KIF13A: variants seen among roughly 807,000 people sequenced by gnomAD.
KIF13A encodes kinesin-like protein KIF13A.
Under a neutral mutation model 212.2 loss-of-function variants are expected in KIF13A, and 79 were observed. The observed-to-expected ratio is 0.37, with a 90% CI of 0.31 to 0.45. KIF13A has a LOEUF of 0.45. Ranked by LOEUF, KIF13A falls within the 20% of genes least tolerant of loss-of-function variation. The probability of loss-of-function intolerance (pLI) is 1.00; values close to 1 mark genes in which losing one functional copy is unlikely to be tolerated. For missense variants in KIF13A, 1,901 were observed against 2,209.0 expected (o/e 0.86, Z 2.79); for synonymous variants, 789 against 808.6 (o/e 0.98, Z 0.41).
At chr6:17,774,080 T>G (rs1759726767) in intron 35 of KIF13A, among the ~76,000 whole-genome samples, 1 of 152,184 alleles carries the variant, frequency 6.6e-6, no homozygotes, top group South Asian at 2.1e-4. Context: ...GCATAAAGTA[T>G]TGGTATACAA....
Position 17,898,057 on chromosome 6 carries a change from T to A in KIF13A, c.159+111A>T. ...TCATGATGTGAGTTTTAAATTAGGA[T>A]GCTGTTTTCAGTTCTCAATGAGACA... On this transcript the variant is annotated intron_variant, in intron 3 of 38. Transcript: ENST00000259711. The surrounding 1 kb of genome is among the most constrained non-coding windows in gnomAD (Gnocchi z 5.2). 1 of 928,600 alleles carries A rather than the reference T, an allele frequency of 1.1e-6. No homozygotes were observed. Among genetic ancestry groups the A allele is most frequent in the Admixed American group, 2.6e-5 (1 of 39,030 alleles). The allele number at this position is 928,600 out of a possible 1,614,324, so 57.5% of individuals were successfully genotyped here. A position where few individuals can be genotyped will look rare whatever the true frequency, so the allele number is the denominator to read the frequency against.
At position 17,987,239 on chromosome 6, in the gene KIF13A, A is replaced by G; in HGVS notation, c.56-95T>C. ...GCGCCGAGCGGGGCTCCGTCCCTGG[A>G]GGCGGCCGAGCCTGGAGACGGCGCC... On this transcript the variant is annotated intron_variant, in intron 1 of 38. Coordinates refer to ENST00000259711, the MANE Select transcript of KIF13A (RefSeq NM_022113.6). This position sits in a 1 kb window ranked among gnomAD's most constrained non-coding sequence, Gnocchi z 7.7. The G allele has an allele frequency of 9.2e-7, 1 of 1,092,472 alleles. No homozygotes were observed. The highest frequency in any genetic ancestry group is 2.8e-5 in the Admixed American group (1 of 36,218). 67.7% of individuals were successfully genotyped at this position (1,092,472 alleles called of 1,614,324 possible). A position where few individuals can be genotyped will look rare whatever the true frequency, so the allele number is the denominator to read the frequency against.
rs750628331 is a variant in KIF13A, at chr6:17,837,036, C to T, written c.997G>A (p.Ala333Thr). Residue 333 changes from alanine (A) to threonine (T), a missense_variant, in exon 11 of 39, where the codon GCA (alanine) becomes ACA (threonine). Ala to Thr is a moderately conservative substitution (Grantham distance 58). This residue lies in a region of KIF13A where 506 missense variants were observed against 637.4 expected (regional missense o/e 0.79). Coordinates refer to ENST00000259711, the MANE Select transcript of KIF13A (RefSeq NM_022113.6). This position sits in a 1 kb window ranked among gnomAD's most constrained non-coding sequence, Gnocchi z 5.4. ...TSMIATISPA[A>T]DNYEETLSTL... ...GAGAGGGTCTCTTCATAGTTGTCTG[C>T]GGCTGGGCTGATTGTGGCTATCATA... is the stretch of plus-strand genomic sequence containing the variant. 7.4e-6 allele frequency: 12 copies of T among 1,613,954 alleles called. No homozygotes were observed. The highest frequency in any genetic ancestry group is 1.7e-5 in the Admixed American group (1 of 60,016).
In KIF13A at chr6:17,799,376, T is replaced by C; in HGVS notation, c.2680A>G (p.Thr894Ala). ...GTAGACTCACACTGGTCCCAGAATG[T>C]GTATTGACAGAAGACAAAATTTGAG... ...NLSNFVFCQY[T>A]FWDQCESTVA... Residue 894 changes from threonine (T) to alanine (A), a missense_variant, in exon 22 of 39, where the codon ACA (threonine) becomes GCA (alanine). Thr to Ala is a moderately conservative substitution (Grantham distance 58). Coordinates refer to ENST00000259711, the MANE Select transcript of KIF13A (RefSeq NM_022113.6). This position sits in a 1 kb window ranked among gnomAD's most constrained non-coding sequence, Gnocchi z 4.4. 1 of 1,610,542 alleles carries C rather than the reference T, an allele frequency of 6.2e-7. No individual in the cohort carries two copies. The highest frequency in any genetic ancestry group is 1.3e-5 in the African/African-American group (1 of 74,990).
chr6:17,802,207 A>G (rs1440446210), intron 20 of KIF13A, among the ~76,000 whole-genome samples: 1 of 152,216 alleles, frequency 6.6e-6, no homozygotes, highest in Non-Finnish European at 1.5e-5. Flanking sequence ...ACTCGATGAT[A>G]TCTGAGAAGT....
chr6:17,923,688 G>C (rs1312304107), intron 2 of KIF13A, among the ~76,000 whole-genome samples: 3 of 152,126 alleles, frequency 2.0e-5, no homozygotes, highest in African/African-American at 4.8e-5. Context: ...CAGTAAAAAG[G>C]GAGCAGACCA....
intron 6 of KIF13A, among the ~76,000 whole-genome samples, chr6:17,852,477 T>C (rs976042370): frequency 6.6e-6 from 1 of 152,182 alleles, no homozygotes; most frequent in African/African-American, 2.4e-5. Flanking sequence ...TAGAGTGCAG[T>C]AGCATGACCC....
chr6:17,931,304 A>G (rs1043857718), intron 2 of KIF13A, among the ~76,000 whole-genome samples: 1 of 152,210 alleles, frequency 6.6e-6, no homozygotes, highest in African/African-American at 2.4e-5. Flanking sequence ...CCTCTTTCAA[A>G]TGGATATCAA....
At chr6:17,863,732 G>C (rs1769078235) in intron 4 of KIF13A, among the ~76,000 whole-genome samples, 1 of 152,126 alleles carries the variant, frequency 6.6e-6, no homozygotes, top group Non-Finnish European at 1.5e-5. Context: ...GAAATATCAA[G>C]AACCCTCATA....
chr6:17,858,948 A>G (rs1768428553), intron 4 of KIF13A, among the ~76,000 whole-genome samples: 1 of 151,952 alleles, frequency 6.6e-6, no homozygotes, highest in African/African-American at 2.4e-5. Context: ...ATTGCAGAGA[A>G]GTACTGTGGT....
At chr6:17,830,098 A>G (rs1765311758) in intron 13 of KIF13A, among the ~76,000 whole-genome samples, 1 of 152,214 alleles carries the variant, frequency 6.6e-6, no homozygotes, top group Non-Finnish European at 1.5e-5. Context: ...TGTCAGTCAC[A>G]GTGTCCTAAA....
intron 2 of KIF13A, among the ~76,000 whole-genome samples, chr6:17,940,258 A>G (rs895195148): frequency 4.6e-5 from 7 of 151,876 alleles, no homozygotes; most frequent in Admixed American, 2.6e-4. Flanking sequence ...TTAAACTTCA[A>G]TATGTATACG....
chr6:17,974,197 T>A (rs1780070457), intron 2 of KIF13A, among the ~76,000 whole-genome samples: 1 of 152,146 alleles, frequency 6.6e-6, no homozygotes, highest in African/African-American at 2.4e-5. Flanking sequence ...TTCTCCTACC[T>A]CAGCCTCCTG....
Position 17,868,991 on chromosome 6 carries a change from A to G in KIF13A, c.220+4386T>C, listed in dbSNP as rs1341002303. Among the ~76,000 whole-genome samples, 4 of 47,080 alleles carry G rather than the reference A, an allele frequency of 8.5e-5. No homozygotes were observed. The Admixed American group carries it at 8.6e-4, about 10-fold the overall frequency. 30.9% of individuals were successfully genotyped at this position (47,080 alleles called of 152,430 possible). On this transcript the variant is annotated intron_variant, in intron 4 of 38. Coordinates refer to ENST00000259711, the MANE Select transcript of KIF13A (RefSeq NM_022113.6). ...GGCGACAGAGGGAGACTCCCTCTCA[A>G]AAAAAAAAAAAAAAAAAAAAAAAAA... is the stretch of plus-strand genomic sequence containing the variant.
At position 17,967,434 on chromosome 6, in the gene KIF13A, C is replaced by T. The variant is rs1779426736; in HGVS notation, c.146+19620G>A. Among the ~76,000 whole-genome samples, 2 of 152,004 alleles carry T rather than the reference C, an allele frequency of 1.3e-5. No individual in the cohort carries two copies. Among genetic ancestry groups the T allele is most frequent in the African/African-American group, 2.4e-5 (1 of 41,388 alleles). ...CATCACATTTATAATTAGAAAAAAG[C>T]TATATTAAAAACAAAGTTCTTATGA... On this transcript the variant is annotated intron_variant, in intron 2 of 38. Transcript: ENST00000259711. The surrounding 1 kb of genome is among the most constrained non-coding windows in gnomAD (Gnocchi z 4.1).
At chr6:17,894,059 T>C (rs1772331623) in intron 3 of KIF13A, among the ~76,000 whole-genome samples, 1 of 152,088 alleles carries the variant, frequency 6.6e-6, no homozygotes, top group Admixed American at 6.6e-5. Flanking sequence ...AGGCTGGTCT[T>C]GATCTCCTGA....
chr6:17,909,536 GAA>G (rs1210023829), intron 2 of KIF13A, among the ~76,000 whole-genome samples: 2 of 94,028 alleles, frequency 2.1e-5, no homozygotes. Flanking sequence ...CTCTGTCTCA[GAA>G]AAAAAAAAAA....
chr6:17,823,828 C>G (rs1297968815), intron 16 of KIF13A, among the ~76,000 whole-genome samples: 1 of 151,598 alleles, frequency 6.6e-6, no homozygotes, highest in Admixed American at 6.6e-5. Context: ...GTCTCCAAAT[C>G]CTGGCCTCAA....
rs147240672 is a variant in KIF13A at position 17,953,634 on chromosome 6, C to T, written c.146+33420G>A. The T allele has an allele frequency of 3.7e-3, 576 of 154,796 alleles. 1 individual carries two copies. The highest frequency in any genetic ancestry group is 0.034 in the Middle Eastern group (10 of 294). 9.6% of individuals were successfully genotyped at this position (154,796 alleles called of 1,614,324 possible). A position where few individuals can be genotyped will look rare whatever the true frequency, so the allele number is the denominator to read the frequency against. On this transcript the variant is annotated intron_variant, in intron 2 of 38. Transcript: ENST00000259711. ...TTAATACTGCTTTACATGAGGATGG[C>T]CTAGCACGTGGAATTCACAAAGCTG...
Sources: gnomAD v4.1 joint callset for allele counts (sites outside exome capture counted in the v4.1 genomes callset) on GRCh38, gnomAD v4.1.1 for gene constraint, gnomAD v4.1.1 regional missense constraint, Gnocchi (gnomAD v3.1) non-coding constraint, MANE v1.5 for transcripts, NCBI Gene and HGNC (gene_info 2026-07-23, HGNC 2026-07-21) for gene names.